CDH13: variants seen among roughly 807,000 people sequenced by gnomAD.
The protein encoded by CDH13 is cadherin 13.
CDH13 carries 24 observed loss-of-function variants against 63.8 expected under a neutral mutation model. That is an observed-to-expected ratio of 0.38 (90% CI 0.27 to 0.53). CDH13 has a LOEUF of 0.53. Ranked by LOEUF, CDH13 falls within the 20% of genes least tolerant of loss-of-function variation. The probability of loss-of-function intolerance (pLI) is 0.85; values close to 1 mark genes in which losing one functional copy is unlikely to be tolerated. For synonymous variants in CDH13, 503 were observed against 355.3 expected (o/e 1.42, Z -4.67); for missense variants, 1,049 against 903.1 (o/e 1.16, Z -2.07).
intron 7 of CDH13, among the ~76,000 whole-genome samples, chr16:83,555,727 C>T (rs1463547507): frequency 6.6e-6 from 1 of 152,200 alleles, no homozygotes; most frequent in Non-Finnish European, 1.5e-5. Context: ...GAAGAGGTGT[C>T]ATTAAATCAG....
At chr16:82,943,324 A>C (rs1288894503) in intron 2 of CDH13, among the ~76,000 whole-genome samples, 2 of 152,204 alleles carry the variant, frequency 1.3e-5, no homozygotes, top group African/African-American at 4.8e-5. Context: ...TTGCTAGATC[A>C]GTTCTCATAA....
intron 6 of CDH13, among the ~76,000 whole-genome samples, chr16:83,419,372 G>A (rs1243028754): frequency 2.0e-5 from 3 of 152,148 alleles, no homozygotes; most frequent in African/African-American, 7.2e-5. Flanking sequence ...CTATATGGGA[G>A]GCCCAATGAC....
chr16:83,660,303 A>T (rs2150836307), intron 8 of CDH13, among the ~76,000 whole-genome samples: 1 of 152,278 alleles, frequency 6.6e-6, no homozygotes, highest in South Asian at 2.1e-4. Flanking sequence ...CTGCAACTAG[A>T]CGGTTCCATC....
chr16:82,634,104 C>G (rs1319077235), intron 1 of CDH13, among the ~76,000 whole-genome samples: 1 of 152,230 alleles, frequency 6.6e-6, no homozygotes, highest in Non-Finnish European at 1.5e-5. Context: ...TGTCTCCTAG[C>G]TGAACGCAGC....
At chr16:83,471,244 A>C (rs1008266585) in intron 6 of CDH13, among the ~76,000 whole-genome samples, 1 of 149,014 alleles carries the variant, frequency 6.7e-6, no homozygotes, top group Non-Finnish European at 1.5e-5. Context: ...AGGATATAGG[A>C]ATGTTTGGGA....
intron 7 of CDH13, among the ~76,000 whole-genome samples, chr16:83,542,971 T>G (rs1340728193): frequency 2.6e-5 from 4 of 152,210 alleles, no homozygotes; most frequent in Admixed American, 2.6e-4. Context: ...ATAATTCAAC[T>G]TACAACAGCA....
At chr16:83,531,809 T>G (rs1200658600) in intron 7 of CDH13, among the ~76,000 whole-genome samples, 1 of 152,158 alleles carries the variant, frequency 6.6e-6, no homozygotes, top group African/African-American at 2.4e-5. Flanking sequence ...GTGAAATGGA[T>G]TTTGGACTCC....
At chr16:82,664,965 A>G (rs1912416722) in intron 1 of CDH13, among the ~76,000 whole-genome samples, 1 of 152,064 alleles carries the variant, frequency 6.6e-6, no homozygotes, top group Non-Finnish European at 1.5e-5. Context: ...TGTCTTTGTG[A>G]ATTTGCCTAC....
intron 6 of CDH13, among the ~76,000 whole-genome samples, chr16:83,429,504 C>A (rs551204532): frequency 1.4e-5 from 2 of 141,038 alleles, no homozygotes; most frequent in African/African-American, 4.9e-5. Flanking sequence ...CACTAAAAGA[C>A]AATGAAGACA....
intron 2 of CDH13, among the ~76,000 whole-genome samples, chr16:83,000,586 T>TTTTTG (rs996340311): frequency 2.0e-5 from 3 of 149,676 alleles, no homozygotes; most frequent in African/African-American, 4.9e-5. Context: ...TTTTTTTTTT[T>TTTTTG]TTTTGTTTTG....
intron 6 of CDH13, among the ~76,000 whole-genome samples, chr16:83,431,972 T>C (rs2072126848): frequency 6.6e-6 from 1 of 152,188 alleles, no homozygotes; most frequent in Non-Finnish European, 1.5e-5. Flanking sequence ...GAGGGATTCA[T>C]GTTTTAATGG....
At chr16:83,697,011 G>A (rs948882757) in intron 10 of CDH13, among the ~76,000 whole-genome samples, 10 of 152,030 alleles carry the variant, frequency 6.6e-5, no homozygotes, top group Non-Finnish European at 1.0e-4. Context: ...CCAACCACAC[G>A]GCCTTTCTTC....
At chr16:82,866,263 G>C (rs954157014) in intron 2 of CDH13, among the ~76,000 whole-genome samples, 3 of 151,272 alleles carry the variant, frequency 2.0e-5, no homozygotes, top group African/African-American at 7.3e-5. Context: ...TCCAGCCCCT[G>C]CCTGTTACAC....
intron 10 of CDH13, among the ~76,000 whole-genome samples, chr16:83,682,598 C>T (rs950362131): frequency 1.3e-5 from 2 of 152,146 alleles, no homozygotes; most frequent in Admixed American, 1.3e-4. Context: ...ACCACAGTTG[C>T]TGCTGTGTCC....
At chr16:82,668,831 G>A (rs113135923) in intron 1 of CDH13, among the ~76,000 whole-genome samples, 1 of 152,304 alleles carries the variant, frequency 6.6e-6, no homozygotes, top group Non-Finnish European at 1.5e-5. Flanking sequence ...TGTCAGAGAG[G>A]GGCTGTGAGC....
chr16:82,641,937 G>A (rs562088017), intron 1 of CDH13, among the ~76,000 whole-genome samples: 8 of 152,236 alleles, frequency 5.3e-5, no homozygotes, highest in South Asian at 2.1e-4. Flanking sequence ...GGTAGATAGC[G>A]ACAGGCAGAG....
intron 1 of CDH13, among the ~76,000 whole-genome samples, chr16:82,818,366 A>G (rs1480741466): frequency 6.6e-6 from 1 of 152,230 alleles, no homozygotes; most frequent in African/African-American, 2.4e-5. Context: ...CAATGCTTAA[A>G]AGATGTTAAC....
At chr16:83,390,667 C>G (rs569309474) in intron 6 of CDH13, among the ~76,000 whole-genome samples, 2 of 152,292 alleles carry the variant, frequency 1.3e-5, no homozygotes, top group Admixed American at 6.5e-5. Flanking sequence ...GGCCCGAGAT[C>G]AGATTGTCTC....
At chr16:82,924,472 G>A (rs892994119) in intron 2 of CDH13, among the ~76,000 whole-genome samples, 4 of 152,256 alleles carry the variant, frequency 2.6e-5, no homozygotes, top group South Asian at 4.2e-4. Context: ...TGCGGTTTTC[G>A]GGCTTTTTCT....
Sources: gnomAD v4.1 joint callset for allele counts (sites outside exome capture counted in the v4.1 genomes callset) on GRCh38, gnomAD v4.1.1 for gene constraint, MANE v1.5 for transcripts, NCBI Gene and HGNC (gene_info 2026-07-23, HGNC 2026-07-21) for gene names.